The following DACH1 variants were observed in gnomAD, a reference collection of about 807,000 sequenced individuals.
DACH1 encodes dachshund family transcription factor 1.
In DACH1, 12 loss-of-function variants were observed where a neutral mutation model predicts 54.2. The ratio of observed to expected loss-of-function variants is 0.22; its 90% CI spans 0.14 to 0.36. The LOEUF (loss-of-function observed/expected upper bound fraction) is 0.36, where lower values mean the gene tolerates loss of function less well. Among genes scored for constraint, DACH1 ranks in the 10% least tolerant of loss-of-function variants. The probability of loss-of-function intolerance (pLI) is 1.00; values close to 1 mark genes in which losing one functional copy is unlikely to be tolerated. For missense variants in DACH1, 805 were observed against 929.8 expected (o/e 0.87, Z 1.75); for synonymous variants, 386 against 366.2 (o/e 1.05, Z -0.62).
chr13:71,797,201 C>T (rs1887092012), intron 1 of DACH1, among the ~76,000 whole-genome samples: 1 of 152,070 alleles, frequency 6.6e-6, no homozygotes, highest in African/African-American at 2.4e-5. Flanking sequence ...TTCAAAGCTG[C>T]TTTAATATAC....
intron 7 of DACH1, among the ~76,000 whole-genome samples, chr13:71,483,098 G>A (rs535060229): frequency 2.0e-5 from 3 of 151,810 alleles, no homozygotes; most frequent in Middle Eastern, 3.4e-3. Flanking sequence ...CATGGCGCCC[G>A]GCCCAACTGA....
intron 10 of DACH1, among the ~76,000 whole-genome samples, chr13:71,463,019 G>A (rs541569768): frequency 3.2e-4 from 49 of 151,874 alleles, no homozygotes; most frequent in Non-Finnish European, 5.3e-4. Flanking sequence ...AAATATCAGT[G>A]TTAGAACAGG....
chr13:71,493,700 AG>A (rs889103341), intron 6 of DACH1, among the ~76,000 whole-genome samples: 18 of 152,190 alleles, frequency 1.2e-4, no homozygotes, highest in African/African-American at 4.3e-4. Flanking sequence ...AGACAAATGT[AG>A]GACCACACAA....
At chr13:71,544,369 A>ATATTCAAAAC in intron 6 of DACH1, among the ~76,000 whole-genome samples, 1 of 152,278 alleles carries the variant, frequency 6.6e-6, no homozygotes, top group East Asian at 1.9e-4. Context: ...ACTTCTCAGT[A>ATATTCAAAAC]TGGTTTGAAA....
intron 6 of DACH1, among the ~76,000 whole-genome samples, chr13:71,549,693 C>T (rs971178651): frequency 1.3e-5 from 2 of 151,940 alleles, no homozygotes; most frequent in Non-Finnish European, 2.9e-5. Context: ...ATGATAAATT[C>T]CTGGGAAATG....
At chr13:71,766,033 C>A (rs1354486252) in intron 1 of DACH1, among the ~76,000 whole-genome samples, 1 of 152,016 alleles carries the variant, frequency 6.6e-6, no homozygotes, top group Non-Finnish European at 1.5e-5. Flanking sequence ...ACAACAGGCG[C>A]CCGCCACCAC....
intron 1 of DACH1, among the ~76,000 whole-genome samples, chr13:71,747,102 G>A (rs1594169714): frequency 6.6e-6 from 1 of 151,866 alleles, no homozygotes; most frequent in Admixed American, 6.6e-5. Flanking sequence ...TATACAAATA[G>A]TTGTATGATA....
At chr13:71,638,690 C>T (rs74096983) in intron 2 of DACH1, among the ~76,000 whole-genome samples, 1 of 152,016 alleles carries the variant, frequency 6.6e-6, no homozygotes, top group South Asian at 2.1e-4. Context: ...AGCAATATAA[C>T]CAAGACAGAT....
chr13:71,599,528 G>T (rs1306597222), intron 3 of DACH1, among the ~76,000 whole-genome samples: 2 of 152,046 alleles, frequency 1.3e-5, no homozygotes, highest in Non-Finnish European at 2.9e-5. Context: ...GACACTCAAA[G>T]CTATATTGTC....
At chr13:71,537,074 GCT>G (rs934622174) in intron 6 of DACH1, among the ~76,000 whole-genome samples, 1 of 151,964 alleles carries the variant, frequency 6.6e-6, no homozygotes, top group Non-Finnish European at 1.5e-5. Context: ...ACATCTCCAG[GCT>G]CTGATCACTT....
intron 1 of DACH1, among the ~76,000 whole-genome samples, chr13:71,748,950 TTCTCTCTTTCTTTC>T (rs148345565): frequency 0.2 from 16,570 of 84,938 alleles, 2,302 homozygotes; most frequent in Middle Eastern, 0.27. Context: ...CTTTCTTTCT[TTCTCTCTTTCTTTC>T]TCTCTCTCTC....
chr13:71,592,577 C>T (rs1873814368), intron 3 of DACH1, among the ~76,000 whole-genome samples: 1 of 145,094 alleles, frequency 6.9e-6, no homozygotes, highest in African/African-American at 2.6e-5. Context: ...CAATTTGGAA[C>T]TTATAATAAT....
intron 10 of DACH1, among the ~76,000 whole-genome samples, chr13:71,452,240 C>T (rs189781749): frequency 6.6e-6 from 1 of 152,152 alleles, no homozygotes; most frequent in Non-Finnish European, 1.5e-5. Context: ...AGTGATCTTC[C>T]TGTAGGCCTC....
chr13:71,558,086 T>G (rs1240310824), intron 5 of DACH1, among the ~76,000 whole-genome samples: 1 of 152,056 alleles, frequency 6.6e-6, no homozygotes. Context: ...TTTGATCATT[T>G]TTCTCTTATG....
chr13:71,654,969 C>G (rs1878993248), intron 2 of DACH1, among the ~76,000 whole-genome samples: 1 of 152,176 alleles, frequency 6.6e-6, no homozygotes, highest in Admixed American at 6.5e-5. Context: ...ACTTATGATT[C>G]TAATCTACAT....
intron 1 of DACH1, among the ~76,000 whole-genome samples, chr13:71,763,423 T>C (rs2138014270): frequency 6.6e-6 from 1 of 152,326 alleles, no homozygotes; most frequent in East Asian, 1.9e-4. Context: ...TCACAAATGC[T>C]CAAACCCCAT....
chr13:71,753,392 TCA>T (rs1382452811), intron 1 of DACH1, among the ~76,000 whole-genome samples: 2 of 152,146 alleles, frequency 1.3e-5, no homozygotes, highest in African/African-American at 2.4e-5. Context: ...AAGCAATAAT[TCA>T]CAGATTCCTT....
chr13:71,482,310 A>G (rs569641978), intron 7 of DACH1, among the ~76,000 whole-genome samples: 20 of 152,240 alleles, frequency 1.3e-4, no homozygotes, highest in Non-Finnish European at 2.5e-4. Flanking sequence ...ATCTGTCTAT[A>G]TAAGAAGACT....
intron 1 of DACH1, among the ~76,000 whole-genome samples, chr13:71,788,546 C>T (rs1178987074): frequency 6.6e-6 from 1 of 151,860 alleles, no homozygotes; most frequent in Non-Finnish European, 1.5e-5. Context: ...GTCCTGTCTG[C>T]TATAGGGTAG....
Sources: allele counts gnomAD v4.1 joint callset (sites outside exome capture counted in the v4.1 genomes callset), GRCh38; gene constraint gnomAD v4.1.1; transcripts MANE v1.5; gene names NCBI Gene and HGNC (gene_info 2026-07-23, HGNC 2026-07-21).